Variants in CASD1 observed in about 807,000 individuals in gnomAD.
The protein encoded by CASD1 is N-acetylneuraminate (7)9-O-acetyltransferase.
Under a neutral mutation model 100.0 loss-of-function variants are expected in CASD1, and 41 were observed. The observed-to-expected ratio is 0.41, with a 90% CI of 0.32 to 0.53. The LOEUF (loss-of-function observed/expected upper bound fraction) is 0.53, where lower values mean the gene tolerates loss of function less well. Among genes scored for constraint, CASD1 ranks in the 20% least tolerant of loss-of-function variants. CASD1 has a pLI of 0.25. For synonymous variants in CASD1, 321 were observed against 315.6 expected (o/e 1.02, Z -0.18); for missense variants, 774 against 948.7 (o/e 0.82, Z 2.42).
chr7:94,595,364 A>G, the CASD1 span, among the ~76,000 whole-genome samples: 12 of 152,284 alleles, frequency 7.9e-5, no homozygotes, highest in African/African-American at 2.9e-4. Flanking sequence ...TTAGAAGCCA[A>G]TATAAACCTT....
chr7:94,537,704 C>A lies in CASD1; in HGVS notation c.1076C>A (p.Thr359Asn). Reference protein sequence around the residue: ...SGEEKKNIINTPVSSLEILLQ... With the variant: ...SGEEKKNIINNPVSSLEILLQ... ...GAGGAAAAGAAAAATATTATCAATA[C>A]CCCTGTGTCTTCATTAGAAATACTT... Residue 359 changes from threonine (T) to asparagine (N), a missense_variant, in exon 9 of 18, where the codon ACC becomes AAC. Thr to Asn is a moderately conservative substitution (Grantham distance 65). Coordinates refer to ENST00000297273, the MANE Select transcript of CASD1 (RefSeq NM_022900.5). 5.0e-6 allele frequency: 8 copies of A among 1,613,578 alleles called. No homozygotes were observed. Among genetic ancestry groups the A allele is most frequent in the Non-Finnish European group, 6.8e-6 (8 of 1,179,716 alleles).
the CASD1 span, among the ~76,000 whole-genome samples, chr7:94,610,851 C>A: frequency 6.6e-6 from 1 of 151,946 alleles, no homozygotes; most frequent in African/African-American, 2.4e-5. Flanking sequence ...ATGAATAGAC[C>A]TATTTCCAAA....
chr7:94,600,697 A>G, the CASD1 span: 2 of 1,613,884 alleles, frequency 1.2e-6, no homozygotes, highest in African/African-American at 1.3e-5. Context: ...AAAAAGGACC[A>G]GTGCCACTGC....
the CASD1 span, among the ~76,000 whole-genome samples, chr7:94,581,083 T>C: frequency 6.6e-6 from 1 of 152,216 alleles, no homozygotes; most frequent in Non-Finnish European, 1.5e-5. Context: ...TTTTTAAATA[T>C]ATAGTGAAAA....
chr7:94,577,125 A>C, the CASD1 span, among the ~76,000 whole-genome samples: 3 of 152,172 alleles, frequency 2.0e-5, no homozygotes, highest in Non-Finnish European at 4.4e-5. Flanking sequence ...GTACTTGCCT[A>C]GTAGGTCCAA....
At chr7:94,633,453 C>T in the CASD1 span, among the ~76,000 whole-genome samples, 1 of 152,038 alleles carries the variant, frequency 6.6e-6, no homozygotes, top group Non-Finnish European at 1.5e-5. Flanking sequence ...TCTCGCTCTC[C>T]CTAAACATAG....
At chr7:94,609,546 C>T in the CASD1 span, among the ~76,000 whole-genome samples, 2 of 152,126 alleles carry the variant, frequency 1.3e-5, no homozygotes, top group East Asian at 3.9e-4. Flanking sequence ...ACAACAACAA[C>T]AAAAAGCCAG....
chr7:94,632,513 C>T, the CASD1 span, among the ~76,000 whole-genome samples: 1 of 152,186 alleles, frequency 6.6e-6, no homozygotes, highest in Middle Eastern at 3.4e-3. Flanking sequence ...TTGGCAACTC[C>T]ACAGTAAAGG....
At chr7:94,569,748 G>T in the CASD1 span, among the ~76,000 whole-genome samples, 8 of 151,094 alleles carry the variant, frequency 5.3e-5, no homozygotes, top group African/African-American at 1.9e-4. Context: ...CAGGCATGAA[G>T]TGTGTCTCTT....
the CASD1 span, chr7:94,598,908 T>C: frequency 6.2e-7 from 1 of 1,613,948 alleles, no homozygotes; most frequent in Non-Finnish European, 8.5e-7. Flanking sequence ...TTCTTGGACA[T>C]GTCTCGAAGC....
chr7:94,617,504 A>C, the CASD1 span: 1 of 152,344 alleles, frequency 6.6e-6, no homozygotes, highest in South Asian at 2.1e-4. Context: ...TTCAGGGAAG[A>C]TACCCCCATT....
At chr7:94,623,391 C>T in the CASD1 span, 6 of 1,595,960 alleles carry the variant, frequency 3.8e-6, no homozygotes, top group Non-Finnish European at 4.3e-6. Context: ...CTGTTGTAGG[C>T]AGTTATCTAT....
intron 14 of CASD1, among the ~76,000 whole-genome samples, chr7:94,550,170 G>C (rs1443786016): frequency 1.3e-5 from 2 of 152,138 alleles, no homozygotes; most frequent in East Asian, 3.9e-4. Flanking sequence ...TTGAAGAAAG[G>C]TTAAGGTTCA....
rs1191585195 is a variant in CASD1 at position 94,528,231 on chromosome 7, G to A, written c.440G>A (p.Cys147Tyr). ...GAAGTTAATGGTTCTATGAAACAGTGTATCAAAGTGTGGACTGAGGTCTGT... is the reference window on the plus strand; with the variant it reads ...GAAGTTAATGGTTCTATGAAACAGTATATCAAAGTGTGGACTGAGGTCTGT... ...HPEVNGSMKQ[C>Y]IKVWTEDSIA... The change falls in exon 5 of 18, where the codon TGT becomes TAT. Residue 147 changes from cysteine (C) to tyrosine (Y), a missense_variant. Physicochemically the swap from Cys to Tyr is radical, Grantham distance 194. Transcript: ENST00000297273. The A allele has an allele frequency of 6.2e-7, 1 of 1,603,194 alleles. No individual in the cohort carries two copies. The highest frequency in any genetic ancestry group is 8.5e-7 in the Non-Finnish European group (1 of 1,174,970).
intron 3 of CASD1, among the ~76,000 whole-genome samples, chr7:94,522,064 A>G (rs562648911): frequency 3.7e-4 from 57 of 152,308 alleles, no homozygotes; most frequent in African/African-American, 1.3e-3. Flanking sequence ...AGCCTGGGCG[A>G]CAGAGTGAGA....
chr7:94,620,536 A>G, the CASD1 span: 1 of 152,228 alleles, frequency 6.6e-6, no homozygotes, highest in Non-Finnish European at 1.5e-5. Flanking sequence ...ATAGTCATGC[A>G]GAAATGTGTT....
chr7:94,605,150 G>T, the CASD1 span, among the ~76,000 whole-genome samples: 1 of 152,024 alleles, frequency 6.6e-6, no homozygotes, highest in Admixed American at 6.5e-5. Flanking sequence ...TGAAAAGACT[G>T]AACAAGCATC....
chr7:94,509,922 C>A lies in CASD1; in HGVS notation c.-163C>A. 1 of 1,142,080 alleles carries A rather than the reference C, an allele frequency of 8.8e-7. No individual in the cohort carries two copies. Among genetic ancestry groups the A allele is most frequent in the East Asian group, 4.5e-5 (1 of 22,074 alleles). The allele number at this position is 1,142,080 out of a possible 1,614,324, so 70.7% of individuals were successfully genotyped here. On this transcript the variant is annotated 5_prime_UTR_variant, in exon 1 of 18. Transcript: ENST00000297273. ...AGGAGGGGCAGGCGGAGGTCGGGGG[C>A]GCCGCGGCCGCGGGGTCAGGTTCCC... is the stretch of plus-strand genomic sequence containing the variant.
rs1160473301 is a variant in CASD1 at position 94,556,607 on chromosome 7, T to C, written c.*849T>C. The C allele has an allele frequency of 6.6e-6, 1 of 152,084 alleles. No individual in the cohort carries two copies. The highest frequency in any genetic ancestry group is 1.5e-5 in the Non-Finnish European group (1 of 67,936). 9.4% of individuals were successfully genotyped at this position (152,084 alleles called of 1,614,324 possible). On this transcript the variant is annotated 3_prime_UTR_variant, in exon 18 of 18. Transcript: ENST00000297273. ...TATTTCCAATATTTGGAAAGCTCTTTATAGCCATTTGGTATTTCCTATTAC... is the reference window on the plus strand; with the variant it reads ...TATTTCCAATATTTGGAAAGCTCTTCATAGCCATTTGGTATTTCCTATTAC...
Sources: gnomAD v4.1 joint callset for allele counts (sites outside exome capture counted in the v4.1 genomes callset) on GRCh38, gnomAD v4.1.1 for gene constraint, MANE v1.5 for transcripts, NCBI Gene and HGNC (gene_info 2026-07-23, HGNC 2026-07-21) for gene names.